The following ST3GAL3 variants were observed in gnomAD, a reference collection of about 807,000 sequenced individuals.
ST3GAL3 encodes ST3 beta-galactoside alpha-2,3-sialyltransferase 3, also known as CMP-N-acetylneuraminate-beta-1,4-galactoside alpha-2,3-sialyltransferase.
In ST3GAL3, 21 loss-of-function variants were observed where a neutral mutation model predicts 50.1. The ratio of observed to expected loss-of-function variants is 0.42; its 90% CI spans 0.30 to 0.60. The LOEUF is 0.60. Among genes scored for constraint, ST3GAL3 ranks in the 20% least tolerant of loss-of-function variants. The pLI is 0.19. For synonymous variants in ST3GAL3, 183 were observed against 190.0 expected (o/e 0.96, Z 0.30); for missense variants, 353 against 489.4 (o/e 0.72, Z 2.63).
At chr1:43,711,886 G>A (rs928736423) in intron 1 of ST3GAL3, among the ~76,000 whole-genome samples, 2 of 152,202 alleles carry the variant, frequency 1.3e-5, no homozygotes, top group East Asian at 3.8e-4. Context: ...AATTTTAGGT[G>A]CATTTTCACT....
intron 3 of ST3GAL3, among the ~76,000 whole-genome samples, chr1:43,806,509 T>G (rs924236456): frequency 1.3e-5 from 2 of 152,120 alleles, no homozygotes; most frequent in African/African-American, 4.8e-5. Flanking sequence ...AAAAATTTCC[T>G]TCTTGGAGGA....
At chr1:43,780,671 T>A (rs765874959) in intron 2 of ST3GAL3, among the ~76,000 whole-genome samples, 1 of 151,998 alleles carries the variant, frequency 6.6e-6, no homozygotes, top group Non-Finnish European at 1.5e-5. Flanking sequence ...TTCCAGGTCC[T>A]TTTTATTTCT....
At chr1:43,864,001 G>A (rs988154197) in intron 5 of ST3GAL3, among the ~76,000 whole-genome samples, 3 of 152,174 alleles carry the variant, frequency 2.0e-5, no homozygotes, top group South Asian at 2.1e-4. Flanking sequence ...AGTGGGGGCC[G>A]GGCGTGGTGG....
chr1:43,868,011 C>T (rs1000236840), intron 5 of ST3GAL3, among the ~76,000 whole-genome samples: 4 of 152,084 alleles, frequency 2.6e-5, no homozygotes, highest in Non-Finnish European at 4.4e-5. Flanking sequence ...CCAACAATTC[C>T]ACTTCTTAAT....
chr1:43,882,558 G>A (rs1027161913), intron 5 of ST3GAL3, among the ~76,000 whole-genome samples: 2 of 152,202 alleles, frequency 1.3e-5, no homozygotes, highest in Non-Finnish European at 2.9e-5. Flanking sequence ...CTCAAACAGT[G>A]TCTTCCTCCC....
chr1:43,826,692 A>T (rs570161411), intron 4 of ST3GAL3, among the ~76,000 whole-genome samples: 13 of 152,226 alleles, frequency 8.5e-5, no homozygotes, highest in Non-Finnish European at 1.9e-4. Context: ...AGAAATCCTC[A>T]ACAAAATTAT....
In ST3GAL3 at chr1:43,736,525, T is replaced by G; in HGVS notation, c.118+145T>G. The G allele has an allele frequency of 2.1e-6, 3 of 1,456,314 alleles. No individual in the cohort carries two copies. In the South Asian group the frequency reaches 3.5e-5, roughly 17 times the overall value. 90.2% of individuals were successfully genotyped at this position (1,456,314 alleles called of 1,614,324 possible). Reference sequence around the variant, plus strand: ...CTGGGACTTTGGCCTAGAAATTGCCTGCCATTTTAGCTGGTATAGGCTGAG... The same window carrying G: ...CTGGGACTTTGGCCTAGAAATTGCCGGCCATTTTAGCTGGTATAGGCTGAG... On this transcript the variant is annotated intron_variant, in intron 2 of 11. Transcript: ENST00000347631.
intron 2 of ST3GAL3, among the ~76,000 whole-genome samples, chr1:43,753,786 T>C (rs185944577): frequency 2.0e-5 from 3 of 152,300 alleles, no homozygotes; most frequent in Non-Finnish European, 4.4e-5. Context: ...CCCAGTTCTT[T>C]ATATCATAGC....
intron 9 of ST3GAL3, among the ~76,000 whole-genome samples, chr1:43,904,851 C>T (rs1348993392): frequency 1.3e-5 from 2 of 149,012 alleles, no homozygotes; most frequent in African/African-American, 5.0e-5. Context: ...CTATTCCTGC[C>T]ACTCTTCCTC....
chr1:43,796,260 T>C (rs1239788957), intron 3 of ST3GAL3, among the ~76,000 whole-genome samples: 1 of 152,238 alleles, frequency 6.6e-6, no homozygotes, highest in Non-Finnish European at 1.5e-5. Flanking sequence ...AGAAAATTCA[T>C]GGCAGAATGT....
At chr1:43,785,690 G>T (rs920253683) in intron 2 of ST3GAL3, among the ~76,000 whole-genome samples, 4 of 152,162 alleles carry the variant, frequency 2.6e-5, no homozygotes, top group African/African-American at 9.7e-5. Flanking sequence ...GCAGCCTACA[G>T]CATCCAAGTC....
At chr1:43,736,577 T>C in intron 2 of ST3GAL3, 197 bp downstream of exon 2, 1 of 904,796 alleles carries the variant, frequency 1.1e-6, no homozygotes. Flanking sequence ...AAAAACTGCA[T>C]GCCATGACAA....
intron 9 of ST3GAL3, among the ~76,000 whole-genome samples, chr1:43,917,489 A>AAT (rs566770986): frequency 4.3e-5 from 1 of 23,094 alleles, no homozygotes; most frequent in African/African-American, 7.3e-5. Context: ...TATAATATAT[A>AAT]ATATATATAA....
At chr1:43,846,491 G>A (rs2066274821) in intron 5 of ST3GAL3, among the ~76,000 whole-genome samples, 1 of 152,034 alleles carries the variant, frequency 6.6e-6, no homozygotes, top group African/African-American at 2.4e-5. Flanking sequence ...AAGTAATTGG[G>A]GTTTTTGCAA....
At chr1:43,905,162 C>CCTACCCTTCA (rs2079065011) in intron 9 of ST3GAL3, among the ~76,000 whole-genome samples, 2 of 107,634 alleles carry the variant, frequency 1.9e-5, no homozygotes, top group Admixed American at 9.1e-5. Flanking sequence ...CACCACTCTT[C>CCTACCCTTCA]TCCTCCCCCT....
chr1:43,878,737 G>T (rs758226210), intron 5 of ST3GAL3, among the ~76,000 whole-genome samples: 7 of 152,178 alleles, frequency 4.6e-5, no homozygotes, highest in Non-Finnish European at 1.0e-4. Flanking sequence ...TGGAAATATT[G>T]ATCTTTGATA....
chr1:43,709,979 C>T (rs1026972897), intron 1 of ST3GAL3, among the ~76,000 whole-genome samples: 19 of 152,088 alleles, frequency 1.2e-4, no homozygotes, highest in African/African-American at 4.3e-4. Flanking sequence ...TCTCTCAACC[C>T]AGAAGCGGCA....
intron 2 of ST3GAL3, among the ~76,000 whole-genome samples, chr1:43,782,162 CAT>C (rs989237710): frequency 2.0e-5 from 3 of 152,196 alleles, no homozygotes; most frequent in African/African-American, 7.2e-5. Flanking sequence ...CTACATTTAA[CAT>C]TATTGCTTCC....
At chr1:43,892,058 C>T (rs907462845) in intron 5 of ST3GAL3, among the ~76,000 whole-genome samples, 1 of 152,216 alleles carries the variant, frequency 6.6e-6, no homozygotes, top group African/African-American at 2.4e-5. Flanking sequence ...ACTCTCCTGC[C>T]TCAGCGTCCC....
Sources: gnomAD v4.1 joint callset for allele counts (sites outside exome capture counted in the v4.1 genomes callset) on GRCh38, gnomAD v4.1.1 for gene constraint, MANE v1.5 for transcripts, NCBI Gene and HGNC (gene_info 2026-07-23, HGNC 2026-07-21) for gene names.